ANXA8: variants seen among roughly 807,000 people sequenced by gnomAD.
ANXA8 encodes annexin A8, also known as VAC-beta.
ANXA8 carries 9 observed loss-of-function variants against 26.8 expected under a neutral mutation model. That is an observed-to-expected ratio of 0.34 (90% CI 0.20 to 0.59). ANXA8 has a LOEUF of 0.59. Ranked by LOEUF, ANXA8 falls within the 20% of genes least tolerant of loss-of-function variation. ANXA8 has a pLI of 0.84. For synonymous variants in ANXA8, 39 were observed against 94.8 expected (o/e 0.41, Z 3.42); for missense variants, 83 against 238.5 (o/e 0.35, Z 4.29).
chr10:47,578,043 C>T, the ANXA8 span, among the ~76,000 whole-genome samples: 1 of 45,866 alleles, frequency 2.2e-5, no homozygotes, highest in African/African-American at 7.0e-5. Flanking sequence ...TGGCTGGGCA[C>T]AGTGGCTCAT....
At chr10:47,920,583 GCCT>G in the ANXA8 span, among the ~76,000 whole-genome samples, 3 of 126,402 alleles carry the variant, frequency 2.4e-5, no homozygotes, top group African/African-American at 9.1e-5. Flanking sequence ...TGCAAAAACT[GCCT>G]TAACATAGCA....
At chr10:47,699,841 T>A in the ANXA8 span, among the ~76,000 whole-genome samples, 169 of 151,016 alleles carry the variant, frequency 1.1e-3, 2 homozygotes, top group Non-Finnish European at 1.9e-3. Flanking sequence ...CAAAAAAAAA[T>A]AATAATAATA....
chr10:47,581,084 CAA>C, the ANXA8 span: 1 of 198,700 alleles, frequency 5.0e-6, no homozygotes, highest in South Asian at 8.2e-5. Flanking sequence ...TCAAAACAAA[CAA>C]ACAAAAAAAT....
At chr10:47,556,443 G>A in the ANXA8 span, among the ~76,000 whole-genome samples, 71 of 151,972 alleles carry the variant, frequency 4.7e-4, 1 homozygote, top group African/African-American at 1.4e-3. Flanking sequence ...CATCATTTCC[G>A]TTTCCAAGAG....
At chr10:47,673,008 G>A in the ANXA8 span, among the ~76,000 whole-genome samples, 8 of 144,838 alleles carry the variant, frequency 5.5e-5, no homozygotes, top group Non-Finnish European at 1.1e-4. Context: ...ATGGAACAAC[G>A]AAAGGAATAG....
the ANXA8 span, among the ~76,000 whole-genome samples, chr10:47,733,237 T>TTCTC: frequency 5.7e-4 from 32 of 55,874 alleles, no homozygotes; most frequent in South Asian, 1.3e-3. Flanking sequence ...CTTTCTCTCT[T>TTCTC]TCTTTCTTTC....
chr10:47,500,422 T>C, the ANXA8 span, among the ~76,000 whole-genome samples: 1 of 148,844 alleles, frequency 6.7e-6, no homozygotes, highest in African/African-American at 2.5e-5. Context: ...CCTATCTCTC[T>C]ACATCTGGAA....
At chr10:47,498,387 C>A in the ANXA8 span, among the ~76,000 whole-genome samples, 1 of 143,382 alleles carries the variant, frequency 7.0e-6, no homozygotes, top group Non-Finnish European at 1.5e-5. Flanking sequence ...CACATTTTAT[C>A]AATTCATCTG....
the ANXA8 span, among the ~76,000 whole-genome samples, chr10:47,703,887 G>A: frequency 1.4e-5 from 2 of 146,556 alleles, no homozygotes; most frequent in South Asian, 2.2e-4. Flanking sequence ...CATATTTTTT[G>A]TGGAATTGCC....
the ANXA8 span, among the ~76,000 whole-genome samples, chr10:47,882,296 T>TG: frequency 2.8e-3 from 93 of 33,508 alleles, no homozygotes; most frequent in African/African-American, 7.2e-3. Context: ...GATAATTTTT[T>TG]TGTGTGAAAT....
chr10:47,509,977 T>C, the ANXA8 span, among the ~76,000 whole-genome samples: 1 of 142,482 alleles, frequency 7.0e-6, no homozygotes, highest in Non-Finnish European at 1.5e-5. Flanking sequence ...TGGGTTTGCT[T>C]CTTTGCTAAC....
At chr10:47,716,528 T>C in the ANXA8 span, among the ~76,000 whole-genome samples, 1 of 124,888 alleles carries the variant, frequency 8.0e-6, no homozygotes, top group Non-Finnish European at 1.6e-5. Context: ...ATCATAAAAC[T>C]ATGCTAAGGA....
the ANXA8 span, among the ~76,000 whole-genome samples, chr10:47,603,251 G>T: frequency 6.8e-6 from 1 of 148,112 alleles, no homozygotes; most frequent in Non-Finnish European, 1.5e-5. Flanking sequence ...GAAAAATAAA[G>T]GAGAATAAGA....
the ANXA8 span, among the ~76,000 whole-genome samples, chr10:47,648,321 T>C: frequency 6.6e-6 from 1 of 151,406 alleles, no homozygotes; most frequent in Non-Finnish European, 1.5e-5. Context: ...GCAAATTTAT[T>C]TCAGAGAAAT....
At chr10:47,469,610 G>T in intron 11 of ANXA8, among the ~76,000 whole-genome samples, 1 of 151,920 alleles carries the variant, frequency 6.6e-6, no homozygotes, top group Non-Finnish European at 1.5e-5. Flanking sequence ...GGACTGGCTA[G>T]TCCGGGGTCT....
chr10:47,682,041 A>G, the ANXA8 span, among the ~76,000 whole-genome samples: 1 of 150,976 alleles, frequency 6.6e-6, no homozygotes, highest in Non-Finnish European at 1.5e-5. Context: ...GGCGGCCATG[A>G]TCCTCTTTTT....
At chr10:47,562,024 A>G in the ANXA8 span, among the ~76,000 whole-genome samples, 2 of 151,618 alleles carry the variant, frequency 1.3e-5, no homozygotes, top group Admixed American at 6.6e-5. Context: ...TTGCATTCTA[A>G]AAGTTTAATG....
the ANXA8 span, among the ~76,000 whole-genome samples, chr10:47,553,050 G>C: frequency 5.3e-5 from 8 of 152,004 alleles, no homozygotes; most frequent in Admixed American, 2.6e-4. Context: ...CGGGAGTTAG[G>C]AGAGCTGGGC....
At chr10:47,950,764 T>G in the ANXA8 span, among the ~76,000 whole-genome samples, 1 of 151,066 alleles carries the variant, frequency 6.6e-6, no homozygotes, top group African/African-American at 2.4e-5. Context: ...AAAAGATATT[T>G]TAAAATAATT....
Sources: gnomAD v4.1 joint callset for allele counts (sites outside exome capture counted in the v4.1 genomes callset) on GRCh38, gnomAD v4.1.1 for gene constraint, MANE v1.5 for transcripts, NCBI Gene and HGNC (gene_info 2026-07-23, HGNC 2026-07-21) for gene names.